The following KPNA6 variants were observed in gnomAD, a reference collection of about 807,000 sequenced individuals.
KPNA6 encodes importin subunit alpha-7.
Under a neutral mutation model 72.0 loss-of-function variants are expected in KPNA6, and 9 were observed. The ratio of observed to expected loss-of-function variants is 0.13; its 90% confidence interval spans 0.08 to 0.22. KPNA6 has a LOEUF of 0.22. Ranked by LOEUF, KPNA6 falls within the 10% of genes least tolerant of loss-of-function variation. The pLI is 1.00. For synonymous variants in KPNA6, 219 were observed against 242.1 expected (o/e 0.90, Z 0.89); for missense variants, 374 against 655.7 (o/e 0.57, Z 4.69).
At chr1:32,161,847 A>C in intron 7 of KPNA6, 100 bp from the exon 8 acceptor site, 1 of 831,092 alleles carries the variant, frequency 1.2e-6, no homozygotes, top group Non-Finnish European at 2.0e-6. Context: ...ACAGGCTGCT[A>C]GAGTCTGAGA....
chr1:32,116,775 C>G (rs1399359993), intron 1 of KPNA6, among the ~76,000 whole-genome samples: 1 of 152,168 alleles, frequency 6.6e-6, no homozygotes, highest in African/African-American at 2.4e-5. Context: ...TAGCTTTTGA[C>G]TTAATGTGGA....
intron 4 of KPNA6, among the ~76,000 whole-genome samples, chr1:32,157,986 C>A (rs143834569): frequency 6.6e-6 from 1 of 152,178 alleles, no homozygotes; most frequent in South Asian, 2.1e-4. Flanking sequence ...CATGGTTGTT[C>A]ATCCCTTAGG....
intron 1 of KPNA6, among the ~76,000 whole-genome samples, chr1:32,124,524 T>TC (rs1557460307): frequency 1.4e-5 from 2 of 146,522 alleles, no homozygotes; most frequent in South Asian, 2.3e-4. Context: ...TTTTTTTTTT[T>TC]CCAACAGTCT....
intron 12 of KPNA6, among the ~76,000 whole-genome samples, chr1:32,167,726 C>T (rs1261396493): frequency 1.3e-5 from 2 of 151,894 alleles, no homozygotes; most frequent in Non-Finnish European, 2.9e-5. Context: ...ATTAGCCGGG[C>T]GTGGTGGCAT....
At chr1:32,132,127 T>C (rs369695719) in intron 1 of KPNA6, among the ~76,000 whole-genome samples, 23 of 151,834 alleles carry the variant, frequency 1.5e-4, no homozygotes, top group African/African-American at 5.1e-4. Flanking sequence ...TGCACCACCA[T>C]ACCCGGCTAA....
chr1:32,168,382 G>A (rs1038558242), intron 12 of KPNA6, among the ~76,000 whole-genome samples: 5 of 152,144 alleles, frequency 3.3e-5, no homozygotes, highest in Non-Finnish European at 7.3e-5. Context: ...GTAGAAACGG[G>A]GTTTCACCAT....
intron 1 of KPNA6, among the ~76,000 whole-genome samples, chr1:32,152,509 T>C (rs1014761830): frequency 6.6e-6 from 1 of 152,154 alleles, no homozygotes; most frequent in South Asian, 2.1e-4. Context: ...AATACAAATA[T>C]TAATTTGAAG....
In KPNA6 at chr1:32,134,071, C is replaced by T. The variant is rs199909540; in HGVS notation, c.5-20517C>T. Among the ~76,000 whole-genome samples the T allele has an allele frequency of 6.6e-5, 10 of 151,704 alleles. No individual in the cohort carries two copies. In the East Asian group the frequency reaches 1.4e-3, roughly 21 times the overall value. ...CAGCCTGGCCAACATGGTGAAACCT[C>T]GTCTCTACTAAAAATACAAAATTTT... On this transcript the variant is annotated intron_variant, in intron 1 of 13. Transcript: ENST00000373625.
rs553134756 is a variant in KPNA6, at chr1:32,172,031, G to A, written c.*1137G>A. 1 of 152,260 alleles carries A rather than the reference G, an allele frequency of 6.6e-6. No homozygotes were observed. The highest frequency in any genetic ancestry group is 1.5e-5 in the Non-Finnish European group (1 of 68,036). The allele number at this position is 152,260 out of a possible 1,614,324, so 9.4% of individuals were successfully genotyped here. A position where few individuals can be genotyped will look rare whatever the true frequency, so the allele number is the denominator to read the frequency against. On this transcript the variant is annotated 3_prime_UTR_variant, in exon 14 of 14. Coordinates refer to ENST00000373625, the MANE Select transcript of KPNA6 (RefSeq NM_012316.5). ...GGATCATGTATATTTTACTTCTAAA[G>A]GAGAGAATGTCAAAAAGTTCTGTAT...
chr1:32,155,648 C>G (rs1043190817), intron 2 of KPNA6, among the ~76,000 whole-genome samples: 1 of 151,798 alleles, frequency 6.6e-6, no homozygotes, highest in Non-Finnish European at 1.5e-5. Flanking sequence ...ATAATAATGC[C>G]TCACCATCTG....
Position 32,172,079 on chromosome 1 carries a change from G to A in KPNA6, c.*1185G>A, listed in dbSNP as rs1049515558. 2 of 152,242 alleles carry A rather than the reference G, an allele frequency of 1.3e-5. No individual in the cohort carries two copies. The highest frequency in any genetic ancestry group is 6.5e-5 in the Admixed American group (1 of 15,282). The allele number at this position is 152,242 out of a possible 1,614,324, so 9.4% of individuals were successfully genotyped here. ...TATTTTTTTATATTCTATATATTAG[G>A]TAGGTCAATCTTAATTGGTCTCAAG... On this transcript the variant is annotated 3_prime_UTR_variant, in exon 14 of 14. Coordinates refer to ENST00000373625, the MANE Select transcript of KPNA6 (RefSeq NM_012316.5).
intron 1 of KPNA6, among the ~76,000 whole-genome samples, chr1:32,124,182 G>A (rs1641489379): frequency 1.3e-5 from 2 of 151,998 alleles, no homozygotes; most frequent in Non-Finnish European, 2.9e-5. Context: ...AGACCGGCCT[G>A]AGCAACATGA....
At chr1:32,161,878 TG>T in intron 7 of KPNA6, 68 bp from the exon 8 acceptor site, 1 of 1,152,370 alleles carries the variant, frequency 8.7e-7, no homozygotes, top group Non-Finnish European at 1.3e-6. Context: ...GATTTGTCTC[TG>T]GGTTCATTGG....
At chr1:32,167,491 C>A (rs1642360849) in intron 12 of KPNA6, among the ~76,000 whole-genome samples, 195 bp downstream of exon 12, 1 of 151,980 alleles carries the variant, frequency 6.6e-6, no homozygotes, top group South Asian at 2.1e-4. Flanking sequence ...ATGTGGGAAT[C>A]TATTCCAGAT....
intron 1 of KPNA6, among the ~76,000 whole-genome samples, chr1:32,144,421 ACT>A (rs1241072026): frequency 1.3e-5 from 2 of 152,204 alleles, no homozygotes; most frequent in African/African-American, 4.8e-5. Flanking sequence ...GGTAACTGAC[ACT>A]CTGCAAAGCA....
chr1:32,149,868 C>T (rs2124043470), intron 1 of KPNA6, among the ~76,000 whole-genome samples: 1 of 152,074 alleles, frequency 6.6e-6, no homozygotes, highest in South Asian at 2.1e-4. Flanking sequence ...ATATAAAATT[C>T]TAGTTTACCA....
intron 1 of KPNA6, among the ~76,000 whole-genome samples, chr1:32,122,126 T>C (rs1641443972): frequency 6.6e-6 from 1 of 151,246 alleles, no homozygotes; most frequent in African/African-American, 2.4e-5. Context: ...ATACAAAAAT[T>C]AGCTGGGCGT....
rs138166796 is a variant in KPNA6, at chr1:32,172,952, G to C, written c.*2058G>C. 7.5e-6 allele frequency: 3 copies of C among 397,410 alleles called. No homozygotes were observed. Among genetic ancestry groups the C allele is most frequent in the African/African-American group, 6.2e-5 (3 of 48,670 alleles). The allele number at this position is 397,410 out of a possible 1,614,324, so 24.6% of individuals were successfully genotyped here. A position where few individuals can be genotyped will look rare whatever the true frequency, so the allele number is the denominator to read the frequency against. ...GATCTTGAATTTGCCCTCTCCTAGT[G>C]CTGCAGTCCCACTTCAAAGCCATTT... On this transcript the variant is annotated 3_prime_UTR_variant, in exon 14 of 14. Transcript: ENST00000373625.
At chr1:32,117,668 G>A (rs915943751) in intron 1 of KPNA6, among the ~76,000 whole-genome samples, 10 of 152,046 alleles carry the variant, frequency 6.6e-5, no homozygotes, top group Non-Finnish European at 1.2e-4. Context: ...CAGTATCGGT[G>A]AATCACAGTA....
Sources: allele counts gnomAD v4.1 joint callset (sites outside exome capture counted in the v4.1 genomes callset), GRCh38; gene constraint gnomAD v4.1.1; transcripts MANE v1.5; gene names NCBI Gene and HGNC (gene_info 2026-07-23, HGNC 2026-07-21).